The following C5orf58 variants were observed in gnomAD, a reference collection of about 807,000 sequenced individuals.
C5orf58 encodes the protein chromosome 5 open reading frame 58.
C5orf58 carries 2 observed loss-of-function variants against 2.9 expected under a neutral mutation model. The ratio of observed to expected loss-of-function variants is 0.69; its 90% CI spans 0.28 to 2.18. The LOEUF (loss-of-function observed/expected upper bound fraction) is 2.18, where lower values mean the gene tolerates loss of function less well. C5orf58 is among the 30% of genes most tolerant of loss of function. C5orf58 has a pLI of 0.13. For missense variants in C5orf58, 96 were observed against 91.7 expected, an observed-to-expected ratio of 1.05 and a Z score of -0.19; for synonymous variants, 37 against 33.4, an observed-to-expected ratio of 1.11 and a Z score of -0.37.
At chr5:170,233,128 G>A in intron 1 of C5orf58, 121 bp downstream of exon 1, 1 of 284,942 alleles carries the variant, frequency 3.5e-6, no homozygotes, top group Non-Finnish European at 5.3e-6. Flanking sequence ...TGGGCGGTGG[G>A]CCGGGCTGGC....
intron 3 of C5orf58, among the ~76,000 whole-genome samples, chr5:170,241,377 A>G (rs1219986857): frequency 6.0e-5 from 9 of 151,006 alleles, no homozygotes; most frequent in Non-Finnish European, 1.2e-4. Context: ...CAGTATGGCC[A>G]TTTTCACGAT....
In C5orf58 at chr5:170,234,185, G is replaced by A. The variant is rs1760645712; in HGVS notation, c.-14G>A. The A allele has an allele frequency of 1.5e-6, 2 of 1,367,314 alleles. No homozygotes were observed. The highest frequency in any genetic ancestry group is 2.0e-6 in the Non-Finnish European group (2 of 1,021,486). 84.7% of individuals were successfully genotyped at this position (1,367,314 alleles called of 1,614,324 possible). ...CCTGCTCAGGAAAAGGTAGAGGCAAGGATTGACTTAAAGGTTAGTTTGTTT... is the reference window on the plus strand; with the variant it reads ...CCTGCTCAGGAAAAGGTAGAGGCAAAGATTGACTTAAAGGTTAGTTTGTTT... On this transcript the variant is annotated 5_prime_UTR_variant, in exon 2 of 4. Coordinates refer to ENST00000593851, the MANE Select transcript of C5orf58 (RefSeq NM_001102609.3).
rs865978173 is a variant in C5orf58 at position 170,241,891 on chromosome 5, T to C, written c.95-4071T>C. 5.4e-3 allele frequency among the ~76,000 whole-genome samples: 824 copies of C among 151,776 alleles called. 9 individuals carry two copies. The highest frequency in any genetic ancestry group is 0.019 in the African/African-American group (780 of 41,316). ...GGGAATGCTTCCAGTTTTTGCCCAT[T>C]CAGTATGATATTGGCTGTGGGTTTG... On this transcript the variant is annotated intron_variant, in intron 3 of 3. Transcript: ENST00000593851.
At chr5:170,247,216 G>A (rs963564993), downstream of C5orf58, 6 of 152,146 alleles carry the variant, frequency 3.9e-5, no homozygotes, top group African/African-American at 1.4e-4. Flanking sequence ...GTGTAGACGT[G>A]TAAATGAATG....
Position 170,245,963 on chromosome 5 carries a change from G to T in C5orf58, c.96G>T (p.Glu32Asp), listed in dbSNP as rs1428158263. ...TATCTCCTGTTTTGTTTTGCACAGA[G>T]CTCTCCCAGTTATTGCTTTGTGACC... ...TISSELKKIK[E>D]LSQLLLCDLI... Residue 32 changes from glutamate to aspartate, a missense_variant and splice_region_variant, in exon 4 of 4, where the codon GAG becomes GAT. Glu to Asp is a conservative substitution (Grantham distance 45). Coordinates refer to ENST00000593851, the MANE Select transcript of C5orf58 (RefSeq NM_001102609.3). 6.2e-7 allele frequency: 1 copy of T among 1,612,740 alleles called. No homozygotes were observed. The highest frequency in any genetic ancestry group is 1.7e-5 in the Admixed American group (1 of 59,724).
chr5:170,248,532 G>T, downstream of C5orf58: 2 of 695,620 alleles, frequency 2.9e-6, no homozygotes, highest in African/African-American at 1.9e-5. Context: ...TGGGATAGTT[G>T]ACAGTCTTCA....
chr5:170,233,633 C>T lies in C5orf58; in HGVS notation c.-84-482C>T, dbSNP rs572440575. 1.7e-4 allele frequency: 27 copies of T among 157,922 alleles called. 1 individual carries two copies. In the South Asian group the frequency reaches 4.9e-3, roughly 29 times the overall value. 9.8% of individuals were successfully genotyped at this position (157,922 alleles called of 1,614,324 possible). A position where few individuals can be genotyped will look rare whatever the true frequency, so the allele number is the denominator to read the frequency against. On this transcript the variant is annotated intron_variant, in intron 1 of 3. Transcript: ENST00000593851. ...GAGTCAGCGACATCCTGGCTTCTGA[C>T]CCCCCATTCCTATGGCCCCTACAGT... is the stretch of plus-strand genomic sequence containing the variant.
Position 170,234,171 on chromosome 5 carries a change from A to G in C5orf58, c.-28A>G, listed in dbSNP as rs1247274165. 7.3e-7 allele frequency: 1 copy of G among 1,367,636 alleles called. No individual in the cohort carries two copies. Among genetic ancestry groups the G allele is most frequent in the African/African-American group, 1.5e-5 (1 of 67,872 alleles). 84.7% of individuals were successfully genotyped at this position (1,367,636 alleles called of 1,614,324 possible). On this transcript the variant is annotated 5_prime_UTR_variant, in exon 2 of 4. Transcript: ENST00000593851. ...TTGCAGAAATTCTCCCTGCTCAGGA[A>G]AAGGTAGAGGCAAGGATTGACTTAA... is the stretch of plus-strand genomic sequence containing the variant.
downstream of C5orf58, chr5:170,248,697 C>T: frequency 6.2e-7 from 1 of 1,611,844 alleles, no homozygotes; most frequent in Non-Finnish European, 8.5e-7. Context: ...CTATAACTTG[C>T]TATGGGTACC....
At position 170,232,992 on chromosome 5, in the gene C5orf58, GGTGACGGTTGGCCAGGTGGGTA is replaced by G; in HGVS notation, c.-92_-85+14del. The G allele has an allele frequency of 1.0e-6, 1 of 985,270 alleles. No individual in the cohort carries two copies. Among genetic ancestry groups the G allele is most frequent in the Non-Finnish European group, 1.2e-6 (1 of 829,774 alleles). The allele number at this position is 985,270 out of a possible 1,614,324, so 61.0% of individuals were successfully genotyped here. A position where few individuals can be genotyped will look rare whatever the true frequency, so the allele number is the denominator to read the frequency against. On this transcript the variant is annotated splice_donor_variant and splice_donor_5th_base_variant and 5_prime_UTR_variant and intron_variant, in exon 1 of 4. Transcript: ENST00000593851. LOFTEE classifies it low-confidence loss of function (5UTR_SPLICE). ...GGCTCCCTGCTCCTGTCAGAACCTC[GGTGACGGTTGGCCAGGTGGGTA>G]GTGACGGCTGCTCGGTCTTGAAGGA...
intron 3 of C5orf58, among the ~76,000 whole-genome samples, chr5:170,245,745 C>T (rs879438126): frequency 1.1e-4 from 16 of 152,210 alleles, no homozygotes; most frequent in African/African-American, 2.7e-4. Context: ...GCGTCGCTCA[C>T]GCTGGGAGCT....
At chr5:170,252,306 C>T (rs1761462228), downstream of C5orf58, 1 of 516,238 alleles carries the variant, frequency 1.9e-6, no homozygotes, top group Non-Finnish European at 3.5e-6. Context: ...TAATGGGTCT[C>T]CTAGGTATTA....
intron 3 of C5orf58, among the ~76,000 whole-genome samples, chr5:170,245,642 G>T (rs1320149152): frequency 2.0e-5 from 3 of 152,196 alleles, no homozygotes; most frequent in Non-Finnish European, 4.4e-5. Context: ...CGCACACCGT[G>T]CGCGCACCCA....
At chr5:170,251,063 C>A, downstream of C5orf58, 1 of 565,242 alleles carries the variant, frequency 1.8e-6, no homozygotes, top group Non-Finnish European at 3.1e-6. Context: ...CTACATATCC[C>A]ATGTGTCATG....
At chr5:170,250,692 A>G (rs1325951477), downstream of C5orf58, 1 of 1,573,904 alleles carries the variant, frequency 6.4e-7, no homozygotes, top group East Asian at 2.2e-5. Context: ...TGGCATAAAT[A>G]AAGACTTTGG....
At chr5:170,240,854 C>A (rs1327963734) in intron 3 of C5orf58, among the ~76,000 whole-genome samples, 2 of 151,896 alleles carry the variant, frequency 1.3e-5, no homozygotes, top group African/African-American at 4.8e-5. Flanking sequence ...CTTGCCCATG[C>A]CTATGTCCTG....
At chr5:170,241,268 T>C (rs1237224660) in intron 3 of C5orf58, among the ~76,000 whole-genome samples, 1 of 152,106 alleles carries the variant, frequency 6.6e-6, no homozygotes, top group Non-Finnish European at 1.5e-5. Flanking sequence ...GGCTCTTTTT[T>C]TGGTTCCATA....
At chr5:170,251,918 G>A (rs1761453135) in exon 3 of C5orf58, 1 of 244,798 alleles carries the variant, frequency 4.1e-6, no homozygotes, top group Non-Finnish European at 8.6e-6. Flanking sequence ...TCCCATTTCT[G>A]ATAAATAAAT....
chr5:170,239,659 T>G (rs1760896912), intron 3 of C5orf58, among the ~76,000 whole-genome samples: 1 of 152,212 alleles, frequency 6.6e-6, no homozygotes, highest in African/African-American at 2.4e-5. Flanking sequence ...TAAAACCATA[T>G]AAATCAAATT....
Sources: allele counts gnomAD v4.1 joint callset (sites outside exome capture counted in the v4.1 genomes callset), GRCh38; gene constraint gnomAD v4.1.1; transcripts MANE v1.5; gene names NCBI Gene and HGNC (gene_info 2026-07-23, HGNC 2026-07-21).